Variants in SUMF1 observed in about 807,000 individuals in gnomAD.
SUMF1 encodes formylglycine-generating enzyme.
SUMF1 carries 48 observed loss-of-function variants against 47.6 expected under a neutral mutation model. The ratio of observed to expected loss-of-function variants is 1.01; its 90% CI spans 0.80 to 1.28. The LOEUF (loss-of-function observed/expected upper bound fraction) is 1.28. Among genes scored for constraint, SUMF1 ranks in the 50% most tolerant of loss-of-function variants. SUMF1 has a pLI of 0.00. For missense variants in SUMF1, 571 were observed against 485.4 expected, an observed-to-expected ratio of 1.18 and a Z score of -1.66; for synonymous variants, 230 against 192.1, an observed-to-expected ratio of 1.20 and a Z score of -1.63.
chr3:4,058,173 T>C (rs1695221548), intron 9 of SUMF1, among the ~76,000 whole-genome samples: 1 of 152,044 alleles, frequency 6.6e-6, no homozygotes, highest in African/African-American at 2.4e-5. Flanking sequence ...GATGAGCAAA[T>C]CAAGATTTGA....
At chr3:4,184,225 G>C (rs527835409) in intron 8 of SUMF1, among the ~76,000 whole-genome samples, 43 of 152,134 alleles carry the variant, frequency 2.8e-4, no homozygotes, top group African/African-American at 1.0e-3. Flanking sequence ...GGAGGCTGAG[G>C]TGGGCAGATC....
At chr3:4,083,501 C>A (rs1207681912) in intron 8 of SUMF1, among the ~76,000 whole-genome samples, 1 of 152,104 alleles carries the variant, frequency 6.6e-6, no homozygotes, top group Non-Finnish European at 1.5e-5. Context: ...CTATGAAACA[C>A]CCAGAAGAAG....
intron 3 of SUMF1, among the ~76,000 whole-genome samples, chr3:4,439,815 A>G (rs532219699): frequency 1.3e-5 from 2 of 151,884 alleles, no homozygotes; most frequent in South Asian, 2.1e-4. Context: ...TCCGACGTCA[A>G]CCTCCCAAAG....
intron 8 of SUMF1, among the ~76,000 whole-genome samples, chr3:4,260,726 A>C (rs1311777941): frequency 1.3e-5 from 2 of 152,104 alleles, no homozygotes; most frequent in Non-Finnish European, 2.9e-5. Context: ...CAGAGCGAGA[A>C]TATGTCTAAG....
At chr3:4,180,349 G>A (rs970138376) in intron 8 of SUMF1, among the ~76,000 whole-genome samples, 5 of 152,054 alleles carry the variant, frequency 3.3e-5, no homozygotes, top group Admixed American at 1.3e-4. Flanking sequence ...ATACACCATG[G>A]CATACTATGC....
chr3:4,359,404 A>C (rs1033287822), downstream of SUMF1, among the ~76,000 whole-genome samples: 1 of 152,156 alleles, frequency 6.6e-6, no homozygotes, highest in Non-Finnish European at 1.5e-5. Context: ...CAGCCTCTCA[A>C]GTAGCTGGGA....
chr3:4,097,007 C>T (rs775415242), intron 8 of SUMF1, among the ~76,000 whole-genome samples: 11 of 152,086 alleles, frequency 7.2e-5, no homozygotes, highest in Non-Finnish European at 2.9e-5. Context: ...CTGTTGATTA[C>T]ATTTAGCCAG....
rs915911140 is a variant in SUMF1 at position 4,437,944 on chromosome 3, A to T, written c.519+11322T>A. On this transcript the variant is annotated intron_variant, in intron 3 of 8. Transcript: ENST00000272902. The stretch of plus-strand genomic sequence containing the variant: ...ACAGGGCAAGACTGTCTCAAAACAC[A>T]AAAATAAAATAAAAAAATAAAATGA... Among the ~76,000 whole-genome samples, 7 of 152,200 alleles carry T rather than the reference A, an allele frequency of 4.6e-5. No homozygotes were observed. The South Asian group carries it at 1.4e-3, about 32-fold the overall frequency.
intron 1 of SUMF1, among the ~76,000 whole-genome samples, chr3:4,463,183 A>G (rs2079858112): frequency 6.6e-6 from 1 of 152,238 alleles, no homozygotes; most frequent in Admixed American, 6.5e-5. Flanking sequence ...AGAATATCAG[A>G]CAACTACAAA....
chr3:4,071,672 G>A (rs191193736), intron 8 of SUMF1, among the ~76,000 whole-genome samples: 7 of 152,322 alleles, frequency 4.6e-5, no homozygotes, highest in African/African-American at 1.7e-4. Context: ...TGCTCACAGT[G>A]TAAACAAAGC....
intron 3 of SUMF1, among the ~76,000 whole-genome samples, chr3:4,436,424 T>C (rs1263013937): frequency 1.3e-5 from 2 of 152,012 alleles, no homozygotes; most frequent in Admixed American, 6.6e-5. Flanking sequence ...TGAATACATA[T>C]AGACATAGAT....
chr3:4,079,983 T>A (rs1413368254), intron 8 of SUMF1, among the ~76,000 whole-genome samples: 3 of 151,990 alleles, frequency 2.0e-5, no homozygotes, highest in Non-Finnish European at 4.4e-5. Flanking sequence ...GGCAAAGCAC[T>A]GCTCTCTGGA....
chr3:4,358,076 T>C (rs1270644053), downstream of SUMF1, among the ~76,000 whole-genome samples: 3 of 152,136 alleles, frequency 2.0e-5, no homozygotes, highest in East Asian at 3.9e-4. Flanking sequence ...GGTTGAACCA[T>C]GTAGTTTGAA....
intron 8 of SUMF1, among the ~76,000 whole-genome samples, chr3:4,268,427 G>A (rs964038621): frequency 6.7e-6 from 1 of 149,162 alleles, no homozygotes; most frequent in Non-Finnish European, 1.5e-5. Flanking sequence ...AAAACTTAAA[G>A]TATAATAAAA....
At chr3:4,409,470 G>A (rs1036897819) in intron 7 of SUMF1, among the ~76,000 whole-genome samples, 1 of 152,106 alleles carries the variant, frequency 6.6e-6, no homozygotes, top group South Asian at 2.1e-4. Flanking sequence ...GCTAACAAGC[G>A]CTCAGCTCCA....
chr3:4,078,719 C>A (rs1241470291), intron 8 of SUMF1, among the ~76,000 whole-genome samples: 2 of 150,900 alleles, frequency 1.3e-5, no homozygotes, highest in Non-Finnish European at 1.5e-5. Flanking sequence ...CCATCCTGGG[C>A]AACACAGTGA....
intron 8 of SUMF1, among the ~76,000 whole-genome samples, chr3:4,365,157 AGGTGT>A (rs1250528704): frequency 7.4e-6 from 1 of 135,338 alleles, no homozygotes. Flanking sequence ...ATTTTGGAAT[AGGTGT>A]GGTGTGGTGC....
intron 8 of SUMF1, among the ~76,000 whole-genome samples, chr3:4,331,996 T>C (rs1261469274): frequency 1.3e-5 from 2 of 152,226 alleles, no homozygotes; most frequent in African/African-American, 2.4e-5. Flanking sequence ...AGACTTTTTT[T>C]ATTTTACCAA....
chr3:4,234,274 A>G (rs1696362325), intron 8 of SUMF1, among the ~76,000 whole-genome samples: 1 of 151,916 alleles, frequency 6.6e-6, no homozygotes, highest in Admixed American at 6.6e-5. Flanking sequence ...TTTTATAGAA[A>G]TAAATTCGCA....
Sources: gnomAD v4.1 joint callset for allele counts (sites outside exome capture counted in the v4.1 genomes callset) on GRCh38, gnomAD v4.1.1 for gene constraint, MANE v1.5 for transcripts, NCBI Gene and HGNC (gene_info 2026-07-23, HGNC 2026-07-21) for gene names.